Variants in GPR108 observed in about 807,000 individuals in gnomAD.
The protein encoded by GPR108 is G protein-coupled receptor 108.
Under a neutral mutation model 74.3 loss-of-function variants are expected in GPR108, and 60 were observed. The ratio of observed to expected loss-of-function variants is 0.81; its 90% CI spans 0.66 to 1.00. GPR108 has a LOEUF of 1.00. Ranked by LOEUF, GPR108 falls within the 50% of genes least tolerant of loss-of-function variation. The pLI, the probability that GPR108 is intolerant of heterozygous loss-of-function variation, is 0.00. For missense variants in GPR108, 667 were observed against 703.3 expected, an observed-to-expected ratio of 0.95 and a Z score of 0.58; for synonymous variants, 311 against 292.4, an observed-to-expected ratio of 1.06 and a Z score of -0.65.
At chr19:6,733,482 G>T in intron 8 of GPR108, 88 bp downstream of exon 8, 1 of 1,437,762 alleles carries the variant, frequency 7.0e-7, no homozygotes, top group Non-Finnish European at 9.7e-7. Context: ...CGGGAGGGCT[G>T]GGAAAAGCTA....
chr19:6,735,124 C>T (rs538452489), intron 4 of GPR108, among the ~76,000 whole-genome samples: 1 of 152,198 alleles, frequency 6.6e-6, no homozygotes, highest in Non-Finnish European at 1.5e-5. Context: ...ATTCCTGGGC[C>T]CAAGCAATCC....
rs1348047800 is a variant in GPR108 at position 6,730,177 on chromosome 19, G to A, written c.*135C>T. ...ACTCTTCTTCCAAATGGGCTTGTCCGGGAACCGGGGTCCCGGGGAGCTGGG... is the reference window on the plus strand; with the variant it reads ...ACTCTTCTTCCAAATGGGCTTGTCCAGGAACCGGGGTCCCGGGGAGCTGGG... On this transcript the variant is annotated 3_prime_UTR_variant, in exon 18 of 18. Transcript: ENST00000264080. The A allele has an allele frequency of 2.5e-6, 2 of 812,138 alleles. No individual in the cohort carries two copies. The highest frequency in any genetic ancestry group is 1.7e-5 in the African/African-American group (1 of 58,650). The allele number at this position is 812,138 out of a possible 1,614,324, so 50.3% of individuals were successfully genotyped here.
At chr19:6,736,992 C>T in intron 1 of GPR108, 4 of 454,886 alleles carry the variant, frequency 8.8e-6, no homozygotes, top group Non-Finnish European at 1.2e-5. Flanking sequence ...TTATTCACCT[C>T]GGCGTGCCTG....
intron 8 of GPR108, 134 bp from the exon 9 acceptor site, chr19:6,733,435 G>T: frequency 7.8e-7 from 1 of 1,285,520 alleles, no homozygotes; most frequent in Non-Finnish European, 1.1e-6. Context: ...AGTTGGCCCC[G>T]TCTCTCAAAT....
chr19:6,737,194 G>A, intron 1 of GPR108: 1 of 504,530 alleles, frequency 2.0e-6, no homozygotes, highest in Non-Finnish European at 3.5e-6. Context: ...CCCAGTTGGG[G>A]GGAAGGGGGG....
At chr19:6,730,865 C>A in intron 17 of GPR108, 122 bp downstream of exon 17, 1 of 1,113,966 alleles carries the variant, frequency 9.0e-7, no homozygotes, top group South Asian at 1.5e-5. Context: ...ACAGCAGGCT[C>A]TGCCCTAACA....
Position 6,732,249 on chromosome 19 carries a change from T to C in GPR108, c.1125+14A>G. 6.2e-7 allele frequency: 1 copy of C among 1,611,770 alleles called. No homozygotes were observed. Among genetic ancestry groups the C allele is most frequent in the Non-Finnish European group, 8.5e-7 (1 of 1,179,824 alleles). On this transcript the variant is annotated intron_variant, in intron 12 of 17. Coordinates refer to ENST00000264080, the MANE Select transcript of GPR108 (RefSeq NM_001080452.2). The stretch of plus-strand genomic sequence containing the variant: ...GCCCTCCCCGCCCTGCTCCGGAGGC[T>C]GCTCCATCCGCACCTGCATGGGGAT...
In GPR108 at chr19:6,733,848, G is replaced by A. The variant is rs1968522595; in HGVS notation, c.615C>T (p.Phe205=). 6.2e-7 allele frequency: 1 copy of A among 1,614,098 alleles called. No homozygotes were observed. Among genetic ancestry groups the A allele is most frequent in the Non-Finnish European group, 8.5e-7 (1 of 1,179,924 alleles). Residue 205 remains phenylalanine (F), a synonymous_variant, in exon 7 of 18, where the codon TTC becomes TTT. Transcript: ENST00000264080. ...GLSHLNNSYN[F]SFHVVIGSQA... ...CGCAGGCGCTGCAAACACTCACACT[G>A]AAGTTGTAGGAGTTGTTGAGGTGGC...
intron 10 of GPR108, 46 bp downstream of exon 10, chr19:6,732,941 G>T: frequency 6.6e-7 from 1 of 1,513,412 alleles, no homozygotes; most frequent in Non-Finnish European, 9.0e-7. Context: ...GGCCCGGGTG[G>T]GCCTTTCAGC....
intron 16 of GPR108, 41 bp downstream of exon 16, chr19:6,731,158 A>C: frequency 6.2e-7 from 1 of 1,607,222 alleles, no homozygotes; most frequent in Non-Finnish European, 8.5e-7. Context: ...CCCCACCCCC[A>C]CCGTGGCCGC....
In GPR108 at chr19:6,735,603, C is replaced by T. The variant is rs753835739; in HGVS notation, c.374+19G>A. On this transcript the variant is annotated intron_variant, in intron 4 of 17. Coordinates refer to ENST00000264080, the MANE Select transcript of GPR108 (RefSeq NM_001080452.2). The stretch of plus-strand genomic sequence containing the variant: ...AACGCAGACGAAGGATCTGAGCGAG[C>T]CCCCGGTCCCCAACTCACTGCAGAT... 1.2e-6 allele frequency: 2 copies of T among 1,603,338 alleles called. No homozygotes were observed. Among genetic ancestry groups the T allele is most frequent in the South Asian group, 2.2e-5 (2 of 90,802 alleles).
intron 10 of GPR108, 99 bp from the exon 11 acceptor site, chr19:6,732,648 G>C: frequency 1.1e-6 from 1 of 927,348 alleles, no homozygotes; most frequent in Non-Finnish European, 1.7e-6. Context: ...ACCATCAGAT[G>C]GGTGGTCAGA....
chr19:6,730,918 G>GC, intron 17 of GPR108, 69 bp downstream of exon 17: 146 of 532,498 alleles, frequency 2.7e-4, no homozygotes, highest in Non-Finnish European at 3.7e-4. Context: ...TGCCCACCCT[G>GC]CCCGTAGAGC....
rs774101808 is a variant in GPR108 at position 6,732,189 on chromosome 19, T to C, written c.1126-34A>G. ...GCGGCGGGGGTGGGTGGGCACTGCC[T>C]GGCACGCTCCCCTTTGCCCCCACTG... is the stretch of plus-strand genomic sequence containing the variant. On this transcript the variant is annotated intron_variant, in intron 12 of 17. Coordinates refer to ENST00000264080, the MANE Select transcript of GPR108 (RefSeq NM_001080452.2). The C allele has an allele frequency of 5.0e-6, 8 of 1,612,652 alleles. No homozygotes were observed. The South Asian group carries it at 8.8e-5, about 18-fold the overall frequency.
At chr19:6,733,795 G>A (rs1330679025) in intron 7 of GPR108, 50 bp downstream of exon 7, 1 of 1,601,884 alleles carries the variant, frequency 6.2e-7, no homozygotes, top group South Asian at 1.1e-5. Flanking sequence ...CAGCTTGGGG[G>A]TCCCGTGCTC....
At chr19:6,733,392 T>C in intron 8 of GPR108, 91 bp from the exon 9 acceptor site, 2 of 1,413,510 alleles carry the variant, frequency 1.4e-6, no homozygotes, top group Middle Eastern at 2.0e-4. Context: ...GCTCTCTCAC[T>C]TTCTACTGGG....
chr19:6,733,247 G>A lies in GPR108; in HGVS notation c.778C>T (p.Leu260Phe), dbSNP rs750792849. 2 of 1,613,870 alleles carry A rather than the reference G, an allele frequency of 1.2e-6. No homozygotes were observed. Among genetic ancestry groups the A allele is most frequent in the African/African-American group, 2.7e-5 (2 of 74,938 alleles). Residue 260 changes from leucine (L) to phenylalanine (F), a missense_variant, in exon 9 of 18, where the codon CTT (leucine) becomes TTT (phenylalanine). By Grantham distance (22) the Leu-to-Phe change is conservative. Transcript: ENST00000264080. ...DGFLSAAEMPLFKLYMVMSAC... is the reference protein window; with the variant it reads ...DGFLSAAEMPFFKLYMVMSAC... ...GACATGACCATGTAGAGCTTGAAAA[G>A]GGGCATCTCCGCTGCCGACAGGAAG...
rs774953287 is a variant in GPR108 at position 6,733,688 on chromosome 19, G to A, written c.619-14C>T. ...CACCACGTGGAACTGGGCGGGCGGG[G>A]AGAGAGGAGGGCTCAGCCTGGGGGA... On this transcript the variant is annotated splice_polypyrimidine_tract_variant and intron_variant, in intron 7 of 17. Coordinates refer to ENST00000264080, the MANE Select transcript of GPR108 (RefSeq NM_001080452.2). 5.0e-6 allele frequency: 8 copies of A among 1,611,790 alleles called. No homozygotes were observed. In the East Asian group the frequency reaches 1.6e-4, roughly 31 times the overall value.
At chr19:6,732,641 A>G (rs1968465082) in intron 10 of GPR108, 92 bp from the exon 11 acceptor site, 1 of 960,126 alleles carries the variant, frequency 1.0e-6, no homozygotes, top group Non-Finnish European at 1.6e-6. Flanking sequence ...GACCGTCACC[A>G]TCAGATGGGT....
Sources: gnomAD v4.1 joint callset for allele counts (sites outside exome capture counted in the v4.1 genomes callset) on GRCh38, gnomAD v4.1.1 for gene constraint, MANE v1.5 for transcripts, NCBI Gene and HGNC (gene_info 2026-07-23, HGNC 2026-07-21) for gene names.